ST8SIA6: variants seen among roughly 807,000 people sequenced by gnomAD.
ST8SIA6 encodes the protein alpha-2,8-sialyltransferase 8F.
Under a neutral mutation model 33.6 loss-of-function variants are expected in ST8SIA6, and 39 were observed. The observed-to-expected ratio is 1.16, with a 90% CI of 0.90 to 1.52. ST8SIA6 has a LOEUF of 1.52. Ranked by LOEUF, ST8SIA6 falls within the 40% of genes most tolerant of loss-of-function variation. The pLI, the probability that ST8SIA6 is intolerant of heterozygous loss-of-function variation, is 0.00. For missense variants in ST8SIA6, 441 were observed against 443.8 expected, an observed-to-expected ratio of 0.99 and a Z score of 0.06; for synonymous variants, 172 against 167.2, an observed-to-expected ratio of 1.03 and a Z score of -0.22.
intron 2 of ST8SIA6, chr10:17,410,104 C>G (rs1851403144): frequency 6.6e-6 from 1 of 152,184 alleles, no homozygotes; most frequent in African/African-American, 2.4e-5. Flanking sequence ...GTTTAACATT[C>G]AAAACTGGAG....
intron 3 of ST8SIA6, among the ~76,000 whole-genome samples, chr10:17,364,161 T>C (rs578209277): frequency 1.3e-5 from 2 of 152,348 alleles, no homozygotes; most frequent in Admixed American, 6.5e-5. Context: ...GTCTGGAACA[T>C]TAAAATTGCC....
intron 2 of ST8SIA6, among the ~76,000 whole-genome samples, chr10:17,450,423 AT>A (rs1852864487): frequency 6.6e-6 from 1 of 152,078 alleles, no homozygotes; most frequent in African/African-American, 2.4e-5. Flanking sequence ...CCCCTCCCTA[AT>A]ATACCTGAAT....
chr10:17,378,600 TG>T (rs1269504209), intron 3 of ST8SIA6, among the ~76,000 whole-genome samples: 25 of 152,250 alleles, frequency 1.6e-4, no homozygotes, highest in African/African-American at 5.8e-4. Flanking sequence ...AAGATCCTCG[TG>T]TAACACCCGC....
intron 3 of ST8SIA6, among the ~76,000 whole-genome samples, chr10:17,385,285 T>G (rs1050234607): frequency 6.6e-6 from 1 of 152,152 alleles, no homozygotes; most frequent in Non-Finnish European, 1.5e-5. Flanking sequence ...GACCTGGAAG[T>G]TCCCCCCACA....
intron 3 of ST8SIA6, among the ~76,000 whole-genome samples, chr10:17,377,082 T>C (rs1031337617): frequency 6.6e-6 from 1 of 152,186 alleles, no homozygotes; most frequent in Non-Finnish European, 1.5e-5. Context: ...TTCCTGCCTT[T>C]ACTGATGACA....
At position 17,323,090 on chromosome 10, in the gene ST8SIA6, T is replaced by C. The variant is rs758383345; in HGVS notation, c.703A>G (p.Ile235Val). ...DVGSKTNLVT[I>V]NPSIITLKYG... The stretch of plus-strand genomic sequence containing the variant: ...TTCAGAGTTATGATGCTTGGATTTA[T>C]AGTCACAAGATTTGTTTTACTGCCA... Residue 235 changes from isoleucine to valine, a missense_variant, in exon 7 of 8, where the codon ATA becomes GTA. Ile to Val is a conservative substitution (Grantham distance 29). Coordinates refer to ENST00000377602, the MANE Select transcript of ST8SIA6 (RefSeq NM_001004470.3). 2.6e-5 allele frequency: 42 copies of C among 1,613,630 alleles called. No homozygotes were observed. Among genetic ancestry groups the C allele is most frequent in the Admixed American group, 8.3e-5 (5 of 59,962 alleles).
Position 17,454,377 on chromosome 10 carries a change from A to G in ST8SIA6, c.-122T>C, listed in dbSNP as rs1387803409. 1.9e-5 allele frequency: 3 copies of G among 158,700 alleles called. No individual in the cohort carries two copies. The highest frequency in any genetic ancestry group is 2.7e-5 in the Non-Finnish European group (2 of 72,892). 9.8% of individuals were successfully genotyped at this position (158,700 alleles called of 1,614,324 possible). ...CGTGGCCGCAGCCCCGCGCACCCAC[A>G]GCGTTCACAGGCGGCAGCGAGGGGC... On this transcript the variant is annotated 5_prime_UTR_variant, in exon 1 of 8. Coordinates refer to ENST00000377602, the MANE Select transcript of ST8SIA6 (RefSeq NM_001004470.3). This position sits in a 1 kb window ranked among gnomAD's most constrained non-coding sequence, Gnocchi z 4.1.
chr10:17,421,468 T>C (rs1447339548), intron 2 of ST8SIA6, among the ~76,000 whole-genome samples: 2 of 152,218 alleles, frequency 1.3e-5, no homozygotes, highest in Non-Finnish European at 2.9e-5. Flanking sequence ...CTAACAGGCA[T>C]GCAAAAAAAT....
chr10:17,383,229 T>C (rs1056999357), intron 3 of ST8SIA6, among the ~76,000 whole-genome samples: 1 of 152,206 alleles, frequency 6.6e-6, no homozygotes, highest in African/African-American at 2.4e-5. Flanking sequence ...CTTTGATATA[T>C]GACAAACTTT....
intron 2 of ST8SIA6, among the ~76,000 whole-genome samples, chr10:17,446,340 C>T (rs1490874479): frequency 1.3e-5 from 2 of 152,096 alleles, no homozygotes; most frequent in Non-Finnish European, 2.9e-5. Context: ...CTACAAGAAA[C>T]AGGAAATCTT....
chr10:17,428,577 C>T (rs1852006360), intron 2 of ST8SIA6, among the ~76,000 whole-genome samples: 1 of 151,998 alleles, frequency 6.6e-6, no homozygotes, highest in Admixed American at 6.6e-5. Flanking sequence ...GAAGGGCTTC[C>T]CGAGGAAAGC....
intron 3 of ST8SIA6, among the ~76,000 whole-genome samples, chr10:17,388,103 A>G (rs1588874687): frequency 1.3e-5 from 2 of 152,346 alleles, no homozygotes; most frequent in South Asian, 4.1e-4. Context: ...CACACTGCAC[A>G]TGGCCCAGGA....
At chr10:17,421,026 G>T (rs1354706153) in intron 2 of ST8SIA6, among the ~76,000 whole-genome samples, 1 of 152,098 alleles carries the variant, frequency 6.6e-6, no homozygotes, top group East Asian at 1.9e-4. Flanking sequence ...ACAGCAAGGG[G>T]GAAATCCAGC....
At chr10:17,394,846 T>TGA (rs553519128) in intron 2 of ST8SIA6, among the ~76,000 whole-genome samples, 50 of 152,254 alleles carry the variant, frequency 3.3e-4, no homozygotes, top group Admixed American at 3.1e-3. Flanking sequence ...CATAGGGGAT[T>TGA]GAGAGAAATT....
In ST8SIA6 at chr10:17,321,078, C is replaced by G. The variant is rs775504046; in HGVS notation, c.997G>C (p.Glu333Gln). 6.2e-7 allele frequency: 1 copy of G among 1,614,106 alleles called. No homozygotes were observed. Among genetic ancestry groups the G allele is most frequent in the South Asian group, 1.1e-5 (1 of 91,084 alleles). ...TGLMITSVAV[E>Q]LCKNVKLYGF... ...TACAGCTTCACATTTTTACACAGTTCCACTGCAACACTTGTGATCATCAAG... is the reference window on the plus strand; with the variant it reads ...TACAGCTTCACATTTTTACACAGTTGCACTGCAACACTTGTGATCATCAAG... The change falls in exon 8 of 8, where the codon GAA (glutamate) becomes CAA (glutamine). Residue 333 changes from glutamate to glutamine, a missense_variant. Physicochemically the swap from Glu to Gln is conservative, Grantham distance 29 (BLOSUM62 2). Coordinates refer to ENST00000377602, the MANE Select transcript of ST8SIA6 (RefSeq NM_001004470.3).
chr10:17,348,216 G>C (rs1461528078), intron 4 of ST8SIA6, among the ~76,000 whole-genome samples: 8 of 135,896 alleles, frequency 5.9e-5, no homozygotes, highest in Non-Finnish European at 9.4e-5. Context: ...GGGAAGAGTA[G>C]GAACCTTTTT....
intron 4 of ST8SIA6, among the ~76,000 whole-genome samples, chr10:17,343,085 C>T (rs1468487126): frequency 6.6e-5 from 10 of 152,152 alleles, no homozygotes; most frequent in South Asian, 4.1e-4. Context: ...AAGGGCATCC[C>T]GGGTGCCTTG....
intron 2 of ST8SIA6, chr10:17,408,192 G>C (rs1369958825): frequency 6.6e-6 from 1 of 152,618 alleles, no homozygotes; most frequent in African/African-American, 2.4e-5. Flanking sequence ...AAGCAAACTG[G>C]ATGACGACCG....
chr10:17,411,847 G>A (rs76101270), intron 2 of ST8SIA6, among the ~76,000 whole-genome samples: 2,049 of 152,174 alleles, frequency 0.013, 26 homozygotes, highest in Non-Finnish European at 0.022. Context: ...ATGGCAATGA[G>A]TTCTAATGAG....
Sources: gnomAD v4.1 joint callset for allele counts (sites outside exome capture counted in the v4.1 genomes callset) on GRCh38, gnomAD v4.1.1 for gene constraint, Gnocchi (gnomAD v3.1) non-coding constraint, MANE v1.5 for transcripts, NCBI Gene and HGNC (gene_info 2026-07-23, HGNC 2026-07-21) for gene names.